PRKD2: variants seen among roughly 807,000 people sequenced by gnomAD.
PRKD2 encodes serine/threonine-protein kinase D2.
Under a neutral mutation model 86.0 loss-of-function variants are expected in PRKD2, and 22 were observed. The ratio of observed to expected loss-of-function variants is 0.26; its 90% confidence interval spans 0.18 to 0.37. The LOEUF is 0.37. Ranked by LOEUF, PRKD2 falls within the 10% of genes least tolerant of loss-of-function variation. PRKD2 has a pLI of 1.00. For synonymous variants in PRKD2, 509 were observed against 510.9 expected, an observed-to-expected ratio of 1.00 and a Z score of 0.05; for missense variants, 818 against 1,199.2, an observed-to-expected ratio of 0.68 and a Z score of 4.70.
chr19:46,707,179 A>C (rs528001524), intron 3 of PRKD2, among the ~76,000 whole-genome samples: 24 of 152,112 alleles, frequency 1.6e-4, no homozygotes, highest in African/African-American at 5.5e-4. Flanking sequence ...GGTGTGAGCC[A>C]CCGTGCCTGG....
At position 46,674,613 on chromosome 19, in the gene PRKD2, A is replaced by T; in HGVS notation, c.2547T>A (p.Ser849=). 1.2e-6 allele frequency: 2 copies of T among 1,609,070 alleles called. No individual in the cohort carries two copies. Among genetic ancestry groups the T allele is most frequent in the Admixed American group, 3.3e-5 (2 of 59,884 alleles). ...CGAGATCCCTGTCCGTGGGCAGCCC[A>T]GACCCAGGCAGCGGATGCTCTGCTG... ...QFAAEHPLPG[S]GLPTDRDLGG... is the part of the protein sequence containing the mutation. The change falls in exon 18 of 18, where the codon TCT becomes TCA. Residue 849 remains serine, a synonymous_variant. Transcript: ENST00000291281.
Position 46,716,451 on chromosome 19 carries a change from CG to C in PRKD2, c.-82del. 1.4e-6 allele frequency: 1 copy of C among 724,810 alleles called. No individual in the cohort carries two copies. The highest frequency in any genetic ancestry group is 2.1e-6 in the Non-Finnish European group (1 of 475,860). The allele number at this position is 724,810 out of a possible 1,614,324, so 44.9% of individuals were successfully genotyped here. A position where few individuals can be genotyped will look rare whatever the true frequency, so the allele number is the denominator to read the frequency against. ...CCCGGGGGACCCTGGGTTCTAGATC[CG>C]CGGGATCTCGTGAGCAGGTGGTGGG... On this transcript the variant is annotated 5_prime_UTR_variant, in exon 1 of 18. Coordinates refer to ENST00000291281, the MANE Select transcript of PRKD2 (RefSeq NM_016457.5). This position sits in a 1 kb window ranked among gnomAD's most constrained non-coding sequence, Gnocchi z 7.9.
rs769679628 is a variant in PRKD2, at chr19:46,700,930, G to A, written c.990C>T (p.Thr330=). The A allele has an allele frequency of 6.8e-6, 11 of 1,614,108 alleles. No individual in the cohort carries two copies. The East Asian group carries it at 8.9e-5, about 13-fold the overall frequency. Residue 330 remains threonine (T), a synonymous_variant, in exon 7 of 18, where the codon ACC becomes ACT. Transcript: ENST00000291281. The part of the protein sequence containing the change: ...INGDVPMEEA[T]DFSEADKSAL... ...CGCTCTTGTCAGCCTCGCTGAAATC[G>A]GTGGCCTCCTCCATCGGCACATCTG...
chr19:46,674,415 G>C lies in PRKD2; in HGVS notation c.*108C>G, dbSNP rs1009676731. On this transcript the variant is annotated 3_prime_UTR_variant, in exon 18 of 18. Transcript: ENST00000291281. ...TAGCTCCCCCCACCCCACTCCCCACGTGTCCCATCCAGTTTGGGCAGGAAG... is the reference window on the plus strand; with the variant it reads ...TAGCTCCCCCCACCCCACTCCCCACCTGTCCCATCCAGTTTGGGCAGGAAG... The C allele has an allele frequency of 1.6e-6, 2 of 1,213,310 alleles. No homozygotes were observed. The highest frequency in any genetic ancestry group is 2.6e-5 in the Admixed American group (1 of 38,258). 75.2% of individuals were successfully genotyped at this position (1,213,310 alleles called of 1,614,324 possible). A position where few individuals can be genotyped will look rare whatever the true frequency, so the allele number is the denominator to read the frequency against.
chr19:46,674,710 C>A lies in PRKD2; in HGVS notation c.2450G>T (p.Arg817Leu), dbSNP rs762146805. ...CTCTCCCATCTTCCCCTCCAGCTCT[C>A]GGAGGTCCAGCCACGTCTGGTACTC... ...LQEYQTWLDLRELEGKMGERY... is the reference protein window; with the variant it reads ...LQEYQTWLDLLELEGKMGERY... The change falls in exon 18 of 18, where the codon CGA becomes CTA. Residue 817 changes from arginine (R) to leucine (L), a missense_variant. By Grantham distance (102) the Arg-to-Leu change is moderately radical. This residue lies in a region of PRKD2 where 132 missense variants were observed against 146.2 expected (regional missense o/e 0.90). Transcript: ENST00000291281. 20 of 1,605,314 alleles carry A rather than the reference C, an allele frequency of 1.2e-5. No individual in the cohort carries two copies. The highest frequency in any genetic ancestry group is 1.6e-5 in the Non-Finnish European group (19 of 1,179,912).
Position 46,694,143 on chromosome 19 carries a change from G to A in PRKD2, c.1318-10C>T, listed in dbSNP as rs767788611. The stretch of plus-strand genomic sequence containing the variant: ...CTGACAGCGGAATTTCCTGCAGGAC[G>A]TGGAACCAGCACAGGTGAGGATGCC... On this transcript the variant is annotated splice_polypyrimidine_tract_variant and intron_variant, in intron 9 of 17. Coordinates refer to ENST00000291281, the MANE Select transcript of PRKD2 (RefSeq NM_016457.5). 1.1e-5 allele frequency: 17 copies of A among 1,612,700 alleles called. No individual in the cohort carries two copies. In the East Asian group the frequency reaches 2.5e-4, roughly 23 times the overall value.
chr19:46,679,671 C>A (rs960692472), intron 15 of PRKD2, among the ~76,000 whole-genome samples: 4 of 152,174 alleles, frequency 2.6e-5, no homozygotes, highest in African/African-American at 4.8e-5. Flanking sequence ...GTCGCCCAGG[C>A]TGGAGTGCAG....
chr19:46,704,763 C>G, intron 3 of PRKD2, 114 bp from the exon 4 acceptor site: 4 of 1,341,090 alleles, frequency 3.0e-6, no homozygotes, highest in South Asian at 2.9e-5. Context: ...CATCACCCCC[C>G]GCCAGCACGA....
rs746796465 is a variant in PRKD2, at chr19:46,684,242, C to T, written c.1972-2494G>A. Among the ~76,000 whole-genome samples the T allele has an allele frequency of 2.0e-5, 3 of 152,046 alleles. No individual in the cohort carries two copies. In the East Asian group the frequency reaches 5.8e-4, roughly 29 times the overall value. On this transcript the variant is annotated intron_variant, in intron 14 of 17. Coordinates refer to ENST00000291281, the MANE Select transcript of PRKD2 (RefSeq NM_016457.5). ...TACCCAAACCTTGAGATAATAGGCA[C>T]GACCCACCATGCCTGACCAACCTCC... is the stretch of plus-strand genomic sequence containing the variant.
chr19:46,704,426 G>GCGTT, intron 4 of PRKD2, 35 bp from the exon 5 acceptor site: 1 of 1,613,840 alleles, frequency 6.2e-7, no homozygotes. Flanking sequence ...ACACATCAGT[G>GCGTT]CGTTGGCCCC....
At chr19:46,701,198 T>C in intron 5 of PRKD2, 86 bp from the exon 6 acceptor site, 1 of 1,379,570 alleles carries the variant, frequency 7.2e-7, no homozygotes, top group Non-Finnish European at 1.0e-6. Flanking sequence ...AGCCTCAGGC[T>C]CAAAAGAGTC....
At position 46,689,532 on chromosome 19, in the gene PRKD2, C is replaced by T. The variant is rs144706294; in HGVS notation, c.1971+5G>A. On this transcript the variant is annotated splice_donor_5th_base_variant and intron_variant, in intron 14 of 17. Transcript: ENST00000291281. ...GGCGGGTGGCAGCGGGCAGGGCAGACGCACCTGGGTGATGAGGAACTTGGT... is the reference window on the plus strand; with the variant it reads ...GGCGGGTGGCAGCGGGCAGGGCAGATGCACCTGGGTGATGAGGAACTTGGT... The T allele has an allele frequency of 1.2e-3, 1,898 of 1,594,820 alleles. 13 individuals carry two copies. The highest frequency in any genetic ancestry group is 7.9e-3 in the East Asian group (348 of 44,292).
chr19:46,697,439 CT>C, intron 8 of PRKD2: 1 of 592,724 alleles, frequency 1.7e-6, no homozygotes, highest in Non-Finnish European at 3.0e-6. Flanking sequence ...CCCCCACGCC[CT>C]AACCCCAGAC....
chr19:46,707,121 T>C (rs1297972029), intron 3 of PRKD2, among the ~76,000 whole-genome samples: 1 of 151,454 alleles, frequency 6.6e-6, no homozygotes, highest in African/African-American at 2.4e-5. Context: ...CTCTAACTCC[T>C]GACCTCATGA....
chr19:46,716,410 G>T lies in PRKD2; in HGVS notation c.-40C>A. The T allele has an allele frequency of 1.6e-6, 2 of 1,284,072 alleles. No individual in the cohort carries two copies. The allele number at this position is 1,284,072 out of a possible 1,614,324, so 79.5% of individuals were successfully genotyped here. ...GACCGGCCGCCTGGAGCCCACCCGG[G>T]ACCCGGCCGGGGGGCCCCGGGGGAC... On this transcript the variant is annotated 5_prime_UTR_variant, in exon 1 of 18. Transcript: ENST00000291281. The surrounding 1 kb of genome is among the most constrained non-coding windows in gnomAD (Gnocchi z 7.9).
intron 14 of PRKD2, chr19:46,686,178 C>T (rs2122618573): frequency 6.6e-6 from 1 of 152,228 alleles, no homozygotes; most frequent in African/African-American, 2.4e-5. Flanking sequence ...AACACAGAAA[C>T]CACACAAGGG....
rs746574183 is a variant in PRKD2, at chr19:46,674,787, T to C, written c.2425-52A>G. On this transcript the variant is annotated intron_variant, in intron 17 of 17. Transcript: ENST00000291281. ...TTGGGGTCTGCATTGGAGCAGTGCC[T>C]GGATATCCTCTGGTTTGCCACTGAG... The C allele has an allele frequency of 6.3e-5, 98 of 1,547,382 alleles. 1 individual carries two copies. The South Asian group carries it at 1.1e-3, about 17-fold the overall frequency.
At chr19:46,684,128 T>TA (rs2053359480) in intron 14 of PRKD2, among the ~76,000 whole-genome samples, 1 of 152,120 alleles carries the variant, frequency 6.6e-6, no homozygotes, top group Non-Finnish European at 1.5e-5. Context: ...TTTTCTTTTT[T>TA]AAAAAAATCT....
At chr19:46,715,983 T>C in intron 1 of PRKD2, 148 bp downstream of exon 1, 1 of 1,294,616 alleles carries the variant, frequency 7.7e-7, no homozygotes, top group South Asian at 1.6e-5. Context: ...AGAGGGGCAA[T>C]GGAGGGGGGC....
Sources: allele counts gnomAD v4.1 joint callset (sites outside exome capture counted in the v4.1 genomes callset), GRCh38; gene constraint gnomAD v4.1.1; regional missense constraint gnomAD v4.1.1; non-coding constraint Gnocchi (gnomAD v3.1); transcripts MANE v1.5; gene names NCBI Gene and HGNC (gene_info 2026-07-23, HGNC 2026-07-21).